The following SRR variants were observed in gnomAD, a reference collection of about 807,000 sequenced individuals.
SRR encodes the protein serine racemase, also known as D-serine ammonia-lyase.
SRR carries 19 observed loss-of-function variants against 32.7 expected under a neutral mutation model. The ratio of observed to expected loss-of-function variants is 0.58; its 90% CI spans 0.40 to 0.85. The LOEUF is 0.85. Ranked by LOEUF, SRR falls within the 40% of genes least tolerant of loss-of-function variation. SRR has a pLI of 0.00. For synonymous variants in SRR, 142 were observed against 140.9 expected, an observed-to-expected ratio of 1.01 and a Z score of -0.06; for missense variants, 373 against 404.7, an observed-to-expected ratio of 0.92 and a Z score of 0.67.
intron 1 of SRR, 134 bp from the exon 2 acceptor site, chr17:2,315,423 A>G: frequency 1.2e-6 from 1 of 846,322 alleles, no homozygotes; most frequent in South Asian, 2.5e-5. Flanking sequence ...GGAAATTCTG[A>G]CACTCCAATA....
intron 1 of SRR, among the ~76,000 whole-genome samples, chr17:2,304,354 C>A (rs1185985031): frequency 2.0e-5 from 3 of 151,338 alleles, no homozygotes; most frequent in Non-Finnish European, 4.4e-5. Context: ...TGGATTCAAG[C>A]GATTCTCCTG....
At chr17:2,307,437 TG>T in intron 1 of SRR, 1 of 1,357,076 alleles carries the variant, frequency 7.4e-7, no homozygotes. Context: ...GTGGTCATGG[TG>T]GCTTTGGTGG....
chr17:2,317,207 GAAA>G (rs1238108697), intron 2 of SRR, among the ~76,000 whole-genome samples: 32 of 54,340 alleles, frequency 5.9e-4, no homozygotes, highest in African/African-American at 2.0e-3. Context: ...CATCTCGGGG[GAAA>G]AAAAAAAAAA....
chr17:2,305,466 A>T (rs879756328), intron 1 of SRR, among the ~76,000 whole-genome samples: 2 of 152,204 alleles, frequency 1.3e-5, no homozygotes, highest in African/African-American at 4.8e-5. Flanking sequence ...AGACAAAGAT[A>T]GGAGACATGG....
chr17:2,322,882 A>G, intron 6 of SRR: 1 of 430,840 alleles, frequency 2.3e-6, no homozygotes, highest in Non-Finnish European at 4.3e-6. Context: ...CTCCTACCTC[A>G]GCCTCTTGAG....
intron 1 of SRR, chr17:2,307,595 CTT>C: frequency 1.0e-6 from 1 of 1,003,412 alleles, no homozygotes; most frequent in Non-Finnish European, 1.6e-6. Flanking sequence ...AGGGAGGAAA[CTT>C]TGGAGGCAGA....
chr17:2,305,658 C>G (rs1278780678), intron 1 of SRR, among the ~76,000 whole-genome samples: 1 of 151,996 alleles, frequency 6.6e-6, no homozygotes, highest in Non-Finnish European at 1.5e-5. Context: ...GAAAGACAAC[C>G]ATATTTAAGT....
At chr17:2,311,700 G>C (rs1186210195) in intron 1 of SRR, among the ~76,000 whole-genome samples, 1 of 152,092 alleles carries the variant, frequency 6.6e-6, no homozygotes, top group Non-Finnish European at 1.5e-5. Context: ...TGGCAACTTT[G>C]ATAAAGTAAT....
At chr17:2,323,046 T>C in intron 6 of SRR, 90 bp from the exon 7 acceptor site, 1 of 1,366,490 alleles carries the variant, frequency 7.3e-7, no homozygotes, top group Non-Finnish European at 1.0e-6. Context: ...ATTACAGGTG[T>C]GAGCCACCAC....
At chr17:2,322,400 A>G (rs2151437146) in intron 6 of SRR, 1 of 152,420 alleles carries the variant, frequency 6.6e-6, no homozygotes, top group Non-Finnish European at 1.5e-5. Flanking sequence ...GAAGGCTAGT[A>G]TCAGACATAT....
At chr17:2,306,366 G>C (rs1356968124) in intron 1 of SRR, among the ~76,000 whole-genome samples, 1 of 151,522 alleles carries the variant, frequency 6.6e-6, no homozygotes, top group Non-Finnish European at 1.5e-5. Context: ...AATAAAACTA[G>C]AAGTGAATAG....
intron 1 of SRR, chr17:2,307,240 A>G: frequency 1.6e-6 from 2 of 1,251,734 alleles, no homozygotes; most frequent in East Asian, 2.3e-5. Flanking sequence ...CTCCGTGGAT[A>G]AGACTGTCAT....
At chr17:2,314,661 G>A (rs1280862719) in intron 1 of SRR, among the ~76,000 whole-genome samples, 1 of 151,642 alleles carries the variant, frequency 6.6e-6, no homozygotes, top group Non-Finnish European at 1.5e-5. Flanking sequence ...GCTGAAGCAG[G>A]AGAATCGCTT....
At chr17:2,314,726 C>T (rs1567776185) in intron 1 of SRR, among the ~76,000 whole-genome samples, 3 of 149,858 alleles carry the variant, frequency 2.0e-5, no homozygotes, top group Non-Finnish European at 3.0e-5. Context: ...GCACTCCAGC[C>T]GGGACAACAG....
At chr17:2,315,493 A>G (rs779429960) in intron 1 of SRR, 64 bp from the exon 2 acceptor site, 1 of 1,486,184 alleles carries the variant, frequency 6.7e-7, no homozygotes, top group Non-Finnish European at 9.0e-7. Flanking sequence ...TATTTTCAAA[A>G]TCTCTTCAAT....
chr17:2,305,296 G>A (rs2151427164), intron 1 of SRR, among the ~76,000 whole-genome samples: 1 of 152,218 alleles, frequency 6.6e-6, no homozygotes, highest in Admixed American at 6.5e-5. Context: ...TTTTTCAGCT[G>A]GAAAAATAAT....
intron 6 of SRR, 134 bp from the exon 7 acceptor site, chr17:2,323,002 T>C (rs2075546042): frequency 1.2e-6 from 1 of 845,820 alleles, no homozygotes; most frequent in Admixed American, 2.4e-5. Flanking sequence ...TGACCTCAGC[T>C]GATCCACCCG....
intron 2 of SRR, among the ~76,000 whole-genome samples, chr17:2,316,568 ACT>A (rs924150420): frequency 5.9e-5 from 9 of 152,142 alleles, no homozygotes; most frequent in African/African-American, 1.9e-4. Context: ...ACACGGCAAA[ACT>A]CTGTCTACAA....
At chr17:2,308,259 T>G (rs1023006542) in intron 1 of SRR, among the ~76,000 whole-genome samples, 7 of 152,058 alleles carry the variant, frequency 4.6e-5, no homozygotes, top group African/African-American at 1.7e-4. Flanking sequence ...AGCTAAGCAT[T>G]CAACAAATAT....
Sources: allele counts gnomAD v4.1 joint callset (sites outside exome capture counted in the v4.1 genomes callset), GRCh38; gene constraint gnomAD v4.1.1; transcripts MANE v1.5; gene names NCBI Gene and HGNC (gene_info 2026-07-23, HGNC 2026-07-21).